IGSF21: variants seen among roughly 807,000 people sequenced by gnomAD.
IGSF21 encodes the protein immunoglobin superfamily member 21, also known as immunoglobulin superfamily member 21.
In IGSF21, 28 loss-of-function variants were observed where a neutral mutation model predicts 46.8. The ratio of observed to expected loss-of-function variants is 0.60; its 90% CI spans 0.44 to 0.82. IGSF21 has a LOEUF of 0.82. IGSF21 is among the 40% of genes least tolerant of loss of function. IGSF21 has a pLI of 0.00. For missense variants in IGSF21, 624 were observed against 665.5 expected (o/e 0.94, Z 0.69); for synonymous variants, 284 against 273.6 (o/e 1.04, Z -0.38).
chr1:18,143,418 A>AG (rs1266043365), intron 1 of IGSF21, among the ~76,000 whole-genome samples: 1 of 151,990 alleles, frequency 6.6e-6, no homozygotes, highest in Non-Finnish European at 1.5e-5. Flanking sequence ...CACAAATCTG[A>AG]GCACTCTCCC....
chr1:18,228,103 A>T lies in IGSF21; in HGVS notation c.183+93A>T. On this transcript the variant is annotated intron_variant, in intron 2 of 9. Transcript: ENST00000251296. ...GGACACCCTCACTGGTGTGGCTATG[A>T]CCTCAGCCCTGACCCAGTCCTGAGT... 5 of 964,108 alleles carry T rather than the reference A, an allele frequency of 5.2e-6. No individual in the cohort carries two copies. The South Asian group carries it at 5.5e-5, about 11-fold the overall frequency. The allele number at this position is 964,108 out of a possible 1,614,324, so 59.7% of individuals were successfully genotyped here. A position where few individuals can be genotyped will look rare whatever the true frequency, so the allele number is the denominator to read the frequency against.
rs1489893551 is a variant in IGSF21, at chr1:18,305,505, GATGGATGA to G, written c.305+13526_305+13533del. On this transcript the variant is annotated intron_variant, in intron 3 of 9. Transcript: ENST00000251296. ...TGGATGGATGATGGATGGATGGATGGATGGATGAATGGATGGATGGATTATGAATGGAT... is the reference window on the plus strand; with the variant it reads ...TGGATGGATGATGGATGGATGGATGGATGGATGGATGGATTATGAATGGAT... 3.8e-3 allele frequency among the ~76,000 whole-genome samples: 533 copies of G among 138,564 alleles called. 12 individuals carry two copies. The highest frequency in any genetic ancestry group is 0.013 in the African/African-American group (417 of 33,318). The allele number at this position is 138,564 out of a possible 152,430, so 90.9% of individuals were successfully genotyped here. A position where few individuals can be genotyped will look rare whatever the true frequency, so the allele number is the denominator to read the frequency against.
intron 1 of IGSF21, among the ~76,000 whole-genome samples, chr1:18,167,527 A>G (rs1428502562): frequency 6.6e-6 from 1 of 152,028 alleles, no homozygotes; most frequent in Non-Finnish European, 1.5e-5. Context: ...AGTGAAAGTG[A>G]TCCCTGTGGA....
chr1:18,251,829 G>A (rs912127567), intron 2 of IGSF21, among the ~76,000 whole-genome samples: 2 of 152,076 alleles, frequency 1.3e-5, no homozygotes, highest in African/African-American at 4.8e-5. Flanking sequence ...TGTGAGAAGT[G>A]GCAATGAGGA....
At chr1:18,122,193 C>CTTTTTTTTT (rs766563472) in intron 1 of IGSF21, among the ~76,000 whole-genome samples, 11 of 78,760 alleles carry the variant, frequency 1.4e-4, no homozygotes, top group African/African-American at 2.8e-4. Context: ...TTCTTTCTTT[C>CTTTTTTTTT]TTTTTTTTTT....
chr1:18,336,139 C>T (rs1034293594), intron 4 of IGSF21, among the ~76,000 whole-genome samples: 13 of 152,164 alleles, frequency 8.5e-5, no homozygotes, highest in South Asian at 2.1e-4. Flanking sequence ...ATGAGGTGGC[C>T]GGGAATGGAC....
rs1368722051 is a variant in IGSF21 at position 18,334,626 on chromosome 1, A to C, written c.306-266A>C. Among the ~76,000 whole-genome samples the C allele has an allele frequency of 2.6e-5, 4 of 152,198 alleles. No homozygotes were observed. The highest frequency in any genetic ancestry group is 4.4e-5 in the Non-Finnish European group (3 of 68,024). On this transcript the variant is annotated intron_variant, in intron 3 of 9. Transcript: ENST00000251296. The surrounding 1 kb of genome is among the most constrained non-coding windows in gnomAD (Gnocchi z 4.3). ...GCACCATCCCAGGCTCATGGAAGCC[A>C]ACAGGCTAAATAACTGCTCCAGGAC...
chr1:18,117,377 G>A (rs574733477), intron 1 of IGSF21, among the ~76,000 whole-genome samples: 5 of 152,284 alleles, frequency 3.3e-5, no homozygotes, highest in East Asian at 1.9e-4. Context: ...GGAGGAGCGC[G>A]GTCCTGGGGA....
At position 18,273,494 on chromosome 1, in the gene IGSF21, T is replaced by A. The variant is rs1327655389; in HGVS notation, c.184-18372T>A. Reference sequence around the variant, plus strand: ...TTTCTTTCTTTCTTTCTTTCTTTCTTTCTTTCTTTCTTTCTTTCTTTCTTT... The same window carrying A: ...TTTCTTTCTTTCTTTCTTTCTTTCTATCTTTCTTTCTTTCTTTCTTTCTTT... On this transcript the variant is annotated intron_variant, in intron 2 of 9. Transcript: ENST00000251296. 2.9e-5 allele frequency among the ~76,000 whole-genome samples: 3 copies of A among 103,016 alleles called. 1 individual carries two copies. The highest frequency in any genetic ancestry group is 6.2e-5 in the Non-Finnish European group (3 of 48,524). 67.6% of individuals were successfully genotyped at this position (103,016 alleles called of 152,430 possible). A position where few individuals can be genotyped will look rare whatever the true frequency, so the allele number is the denominator to read the frequency against.
intron 1 of IGSF21, among the ~76,000 whole-genome samples, chr1:18,156,851 T>C (rs1162410915): frequency 6.6e-6 from 1 of 152,054 alleles, no homozygotes; most frequent in Non-Finnish European, 1.5e-5. Context: ...GCAGTTCCCG[T>C]CAAAAAGACA....
intron 2 of IGSF21, among the ~76,000 whole-genome samples, chr1:18,256,228 G>T (rs181615250): frequency 2.6e-5 from 4 of 152,248 alleles, no homozygotes; most frequent in South Asian, 2.1e-4. Flanking sequence ...CCCCCTTTAG[G>T]CTGGAAATCT....
At chr1:18,320,966 C>T (rs747201612) in intron 3 of IGSF21, among the ~76,000 whole-genome samples, 7 of 152,210 alleles carry the variant, frequency 4.6e-5, no homozygotes, top group South Asian at 2.1e-4. Flanking sequence ...TTGACATCCA[C>T]GCGGGTAGGC....
chr1:18,208,397 T>TATATATA (rs368652183), intron 1 of IGSF21, among the ~76,000 whole-genome samples: 3,131 of 92,452 alleles, frequency 0.034, 511 homozygotes, highest in African/African-American at 0.066. Context: ...ATATATATAT[T>TATATATA]TTTTGAGACG....
chr1:18,314,378 C>T (rs920183016), intron 3 of IGSF21, among the ~76,000 whole-genome samples: 4 of 151,950 alleles, frequency 2.6e-5, no homozygotes, highest in Non-Finnish European at 5.9e-5. Flanking sequence ...ACGATTCCAG[C>T]TTTAGAGATT....
chr1:18,320,045 A>G (rs2085585688), intron 3 of IGSF21, among the ~76,000 whole-genome samples: 1 of 152,208 alleles, frequency 6.6e-6, no homozygotes, highest in African/African-American at 2.4e-5. Context: ...ATGACCAGAT[A>G]GCTATTGCCT....
chr1:18,178,387 T>G (rs1302106539), intron 1 of IGSF21, among the ~76,000 whole-genome samples: 1 of 152,032 alleles, frequency 6.6e-6, no homozygotes, highest in East Asian at 1.9e-4. Flanking sequence ...CTTCCTGAGT[T>G]GAAATCCCTG....
At chr1:18,130,866 C>T (rs537113828) in intron 1 of IGSF21, among the ~76,000 whole-genome samples, 142 of 152,362 alleles carry the variant, frequency 9.3e-4, no homozygotes, top group Non-Finnish European at 9.7e-4. Context: ...TGTCCATGTC[C>T]GGCTGTCCCT....
intron 3 of IGSF21, among the ~76,000 whole-genome samples, chr1:18,302,496 C>T (rs180874602): frequency 6.6e-6 from 1 of 152,336 alleles, no homozygotes; most frequent in East Asian, 1.9e-4. Flanking sequence ...TGTTCCTTGA[C>T]TTTCAGTCTT....
chr1:18,288,122 A>G (rs552864367), intron 2 of IGSF21, among the ~76,000 whole-genome samples: 1 of 152,252 alleles, frequency 6.6e-6, no homozygotes, highest in East Asian at 1.9e-4. Flanking sequence ...AGACTAGGGG[A>G]GGTGGAATGA....
Sources: gnomAD v4.1 joint callset for allele counts (sites outside exome capture counted in the v4.1 genomes callset) on GRCh38, gnomAD v4.1.1 for gene constraint, Gnocchi (gnomAD v3.1) non-coding constraint, MANE v1.5 for transcripts, NCBI Gene and HGNC (gene_info 2026-07-23, HGNC 2026-07-21) for gene names.